The following TBXAS1 variants were observed in gnomAD, a reference collection of about 807,000 sequenced individuals.
The protein encoded by TBXAS1 is thromboxane A synthase 1, also known as thromboxane-A synthase.
In TBXAS1, 48 loss-of-function variants were observed where a neutral mutation model predicts 60.7. That is an observed-to-expected ratio of 0.79 (90% confidence interval 0.63 to 1.01). The LOEUF (loss-of-function observed/expected upper bound fraction) is 1.01. TBXAS1 is among the 50% of genes least tolerant of loss of function. The probability of loss-of-function intolerance (pLI) is 0.00; values close to 1 mark genes in which losing one functional copy is unlikely to be tolerated. For missense variants in TBXAS1, 685 were observed against 686.3 expected, an observed-to-expected ratio of 1.00 and a Z score of 0.02; for synonymous variants, 287 against 269.7, an observed-to-expected ratio of 1.06 and a Z score of -0.63.
Position 139,896,900 on chromosome 7 carries a change from C to T in TBXAS1, c.237-14325C>T, listed in dbSNP as rs148781455. 1.2e-4 allele frequency among the ~76,000 whole-genome samples: 19 copies of T among 152,244 alleles called. No homozygotes were observed. The highest frequency in any genetic ancestry group is 3.8e-4 in the African/African-American group (16 of 41,560). On this transcript the variant is annotated intron_variant, in intron 3 of 12. Coordinates refer to ENST00000448866, the MANE Select transcript of TBXAS1 (RefSeq NM_001061.7). The surrounding 1 kb of genome is among the most constrained non-coding windows in gnomAD (Gnocchi z 4.0). The stretch of plus-strand genomic sequence containing the variant: ...CACTAGAGATTTATAGGGAATAGAA[C>T]GACACAGTCAGCTTCTGTTTTACAA...
At chr7:139,812,111 C>A (rs975861313) in intron 4 of TBXAS1, among the ~76,000 whole-genome samples, 14 of 152,166 alleles carry the variant, frequency 9.2e-5, no homozygotes, top group African/African-American at 3.1e-4. Context: ...GTTCTTATTG[C>A]CGTCCTTGAA....
At chr7:139,969,986 G>A (rs532349783) in intron 9 of TBXAS1, among the ~76,000 whole-genome samples, 11 of 152,334 alleles carry the variant, frequency 7.2e-5, no homozygotes, top group South Asian at 2.1e-4. Context: ...CTGTGGCACC[G>A]GCCCTTGGTT....
At chr7:139,979,597 G>C (rs1418010430) in intron 9 of TBXAS1, among the ~76,000 whole-genome samples, 1 of 151,874 alleles carries the variant, frequency 6.6e-6, no homozygotes, top group Non-Finnish European at 1.5e-5. Flanking sequence ...TTGGTGGCGT[G>C]AGCCTGTAGT....
chr7:139,953,166 A>G (rs1227126020), intron 5 of TBXAS1, among the ~76,000 whole-genome samples: 2 of 152,246 alleles, frequency 1.3e-5, no homozygotes, highest in Non-Finnish European at 2.9e-5. Flanking sequence ...TGCTTAAGCT[A>G]AAATAGACGT....
At chr7:140,018,881 TGAGA>T (rs1179451853) in intron 12 of TBXAS1, among the ~76,000 whole-genome samples, 2 of 152,030 alleles carry the variant, frequency 1.3e-5, no homozygotes, top group African/African-American at 4.8e-5. Flanking sequence ...CAGCCAGAGA[TGAGA>T]GAAACGGGGG....
At chr7:139,901,339 AAAG>A (rs1161419378) in intron 3 of TBXAS1, among the ~76,000 whole-genome samples, 2 of 152,068 alleles carry the variant, frequency 1.3e-5, no homozygotes, top group East Asian at 1.9e-4. Context: ...AAAAAAAAAA[AAAG>A]AAGCAGGAAG....
intron 1 of TBXAS1, among the ~76,000 whole-genome samples, chr7:139,858,233 A>G (rs950898333): frequency 3.9e-5 from 6 of 152,188 alleles, no homozygotes; most frequent in Non-Finnish European, 5.9e-5. Flanking sequence ...CTATGGTGCC[A>G]CAACATGGCT....
chr7:139,805,884 C>T (rs561679674), intron 4 of TBXAS1, among the ~76,000 whole-genome samples: 9 of 149,456 alleles, frequency 6.0e-5, no homozygotes, highest in African/African-American at 9.9e-5. Flanking sequence ...TTCAGCCTCC[C>T]GAGTAGCTGG....
upstream of TBXAS1, among the ~76,000 whole-genome samples, chr7:139,824,568 C>T (rs558578040): frequency 3.9e-5 from 6 of 152,204 alleles, no homozygotes; most frequent in African/African-American, 7.2e-5. Context: ...CAGCAAACGG[C>T]GTTATGTCTC....
rs573562964 is a variant in TBXAS1 at position 140,001,032 on chromosome 7, T to A, written c.1135-6059T>A. On this transcript the variant is annotated intron_variant, in intron 9 of 12. Coordinates refer to ENST00000448866, the MANE Select transcript of TBXAS1 (RefSeq NM_001061.7). ...TGTCCTGACGACTGGCCCAAGGCCATGGCTAAGGGTTACAGACCCGGAACA... is the reference window on the plus strand; with the variant it reads ...TGTCCTGACGACTGGCCCAAGGCCAAGGCTAAGGGTTACAGACCCGGAACA... 8.4e-4 allele frequency among the ~76,000 whole-genome samples: 128 copies of A among 152,330 alleles called. 1 individual carries two copies. Among genetic ancestry groups the A allele is most frequent in the African/African-American group, 2.6e-3 (110 of 41,578 alleles).
chr7:139,940,537 G>A lies in TBXAS1; in HGVS notation c.450+4230G>A, dbSNP rs544097064. On this transcript the variant is annotated intron_variant, in intron 5 of 12. Coordinates refer to ENST00000448866, the MANE Select transcript of TBXAS1 (RefSeq NM_001061.7). ...GCTGAGAGCCAGCGTGGAAAGCCCC[G>A]GCACAGTGAGTGTTCCTGTTGGTCC... is the stretch of plus-strand genomic sequence containing the variant. Among the ~76,000 whole-genome samples, 476 of 152,190 alleles carry A rather than the reference G, an allele frequency of 3.1e-3. 1 individual carries two copies. Among genetic ancestry groups the A allele is most frequent in the African/African-American group, 0.011 (440 of 41,520 alleles).
rs116682781 is a variant in TBXAS1 at position 139,972,737 on chromosome 7, T to C, written c.1134+10504T>C. On this transcript the variant is annotated intron_variant, in intron 9 of 12. Transcript: ENST00000448866. ...CTTTGTTTTGACACATGATCCGTTA[T>C]TAACACACCACTCATTTTGGGAGGG... Among the ~76,000 whole-genome samples, 423 of 152,192 alleles carry C rather than the reference T, an allele frequency of 2.8e-3. 1 individual carries two copies. The highest frequency in any genetic ancestry group is 9.4e-3 in the African/African-American group (389 of 41,526).
At chr7:139,967,433 T>C (rs1281044797) in intron 9 of TBXAS1, among the ~76,000 whole-genome samples, 1 of 152,168 alleles carries the variant, frequency 6.6e-6, no homozygotes, top group Non-Finnish European at 1.5e-5. Context: ...TGCTCTAAGT[T>C]TTCTTTAAAT....
chr7:139,968,434 ACAGGTGTGTGCCAC>A (rs1469758054), intron 9 of TBXAS1, among the ~76,000 whole-genome samples: 1 of 152,128 alleles, frequency 6.6e-6, no homozygotes, highest in Non-Finnish European at 1.5e-5. Flanking sequence ...AGCTGGAATT[ACAGGTGTGTGCCAC>A]CATGCCTGGC....
intron 3 of TBXAS1, among the ~76,000 whole-genome samples, chr7:139,907,639 A>C (rs1805208071): frequency 6.6e-6 from 1 of 152,120 alleles, no homozygotes; most frequent in South Asian, 2.1e-4. Context: ...TCTACATTAG[A>C]GAATTGTACT....
chr7:139,875,062 T>C (rs1802124589), intron 2 of TBXAS1, among the ~76,000 whole-genome samples: 1 of 152,150 alleles, frequency 6.6e-6, no homozygotes, highest in Non-Finnish European at 1.5e-5. Context: ...ACCACTGCAC[T>C]CCAGCCTGGG....
At chr7:139,917,671 C>G (rs1806112079) in intron 4 of TBXAS1, among the ~76,000 whole-genome samples, 1 of 152,160 alleles carries the variant, frequency 6.6e-6, no homozygotes, top group Non-Finnish European at 1.5e-5. Context: ...TCTTGTGATG[C>G]CTTGGGAACA....
At chr7:139,838,800 T>A (rs1029127969) in intron 1 of TBXAS1, among the ~76,000 whole-genome samples, 1 of 152,186 alleles carries the variant, frequency 6.6e-6, no homozygotes, top group Non-Finnish European at 1.5e-5. Context: ...CTCTGTGAAC[T>A]GGGGCATCAG....
At chr7:139,832,118 A>C (rs955020801) in intron 1 of TBXAS1, among the ~76,000 whole-genome samples, 7 of 152,178 alleles carry the variant, frequency 4.6e-5, no homozygotes, top group African/African-American at 1.7e-4. Flanking sequence ...CCTCTGAAGG[A>C]AGCGGATTGC....
Sources: gnomAD v4.1 joint callset for allele counts (sites outside exome capture counted in the v4.1 genomes callset) on GRCh38, gnomAD v4.1.1 for gene constraint, Gnocchi (gnomAD v3.1) non-coding constraint, MANE v1.5 for transcripts, NCBI Gene and HGNC (gene_info 2026-07-23, HGNC 2026-07-21) for gene names.